CTNNA3: variants seen among roughly 807,000 people sequenced by gnomAD.
The protein encoded by CTNNA3 is catenin alpha 3, also known as catenin alpha-3.
In CTNNA3, 76 loss-of-function variants were observed where a neutral mutation model predicts 95.7. The ratio of observed to expected loss-of-function variants is 0.79; its 90% CI spans 0.66 to 0.96. The LOEUF (loss-of-function observed/expected upper bound fraction) is 0.96. Among genes scored for constraint, CTNNA3 ranks in the 40% least tolerant of loss-of-function variants. The pLI, the probability that CTNNA3 is intolerant of heterozygous loss-of-function variation, is 0.00. For synonymous variants in CTNNA3, 431 were observed against 374.4 expected, an observed-to-expected ratio of 1.15 and a Z score of -1.74; for missense variants, 1,191 against 1,089.8, an observed-to-expected ratio of 1.09 and a Z score of -1.31.
intron 12 of CTNNA3, among the ~76,000 whole-genome samples, chr10:66,331,437 T>G (rs1465376736): frequency 7.6e-6 from 1 of 130,932 alleles, no homozygotes. Flanking sequence ...CACTGCAAGC[T>G]CCGCCTCCCG....
chr10:66,373,984 T>A (rs966887267), intron 12 of CTNNA3, among the ~76,000 whole-genome samples: 3 of 152,230 alleles, frequency 2.0e-5, no homozygotes, highest in African/African-American at 2.4e-5. Context: ...CACAGCCCAC[T>A]GTTTCCAGGG....
intron 12 of CTNNA3, among the ~76,000 whole-genome samples, chr10:66,333,977 T>C (rs1167425263): frequency 1.3e-5 from 2 of 152,136 alleles, no homozygotes; most frequent in Non-Finnish European, 2.9e-5. Context: ...CCTTTAACAT[T>C]ATGTAATGGC....
At chr10:66,059,779 T>A (rs574185476) in intron 15 of CTNNA3, among the ~76,000 whole-genome samples, 1 of 152,216 alleles carries the variant, frequency 6.6e-6, no homozygotes, top group East Asian at 1.9e-4. Context: ...TTAGTACATA[T>A]TTTTCAAGTA....
chr10:66,320,125 T>C (rs2092160556), intron 12 of CTNNA3, among the ~76,000 whole-genome samples: 1 of 152,086 alleles, frequency 6.6e-6, no homozygotes, highest in Non-Finnish European at 1.5e-5. Context: ...GCACCTGATA[T>C]ATAAGTCTTA....
At chr10:65,952,744 A>G (rs1039176274) in intron 17 of CTNNA3, among the ~76,000 whole-genome samples, 1 of 152,120 alleles carries the variant, frequency 6.6e-6, no homozygotes, top group South Asian at 2.1e-4. Flanking sequence ...GCTGTTTCCT[A>G]TCTTTCCTAA....
intron 7 of CTNNA3, among the ~76,000 whole-genome samples, chr10:67,028,561 G>A (rs1410960103): frequency 6.6e-6 from 1 of 150,918 alleles, no homozygotes; most frequent in African/African-American, 2.4e-5. Flanking sequence ...AAAATAGAAT[G>A]TAGTTATGTC....
chr10:67,264,764 T>C (rs79344732), intron 5 of CTNNA3, among the ~76,000 whole-genome samples: 3,609 of 152,204 alleles, frequency 0.024, 128 homozygotes, highest in African/African-American at 0.083. Context: ...CTCCGAAAAA[T>C]TGACCTACTG....
At chr10:67,090,737 C>T (rs1461165708) in intron 7 of CTNNA3, among the ~76,000 whole-genome samples, 1 of 151,970 alleles carries the variant, frequency 6.6e-6, no homozygotes, top group Non-Finnish European at 1.5e-5. Context: ...GTGTCCAGGC[C>T]ACGCATCAAC....
chr10:66,441,023 C>CA (rs2093371884), intron 11 of CTNNA3, among the ~76,000 whole-genome samples: 3 of 151,974 alleles, frequency 2.0e-5, no homozygotes, highest in East Asian at 1.9e-4. Flanking sequence ...AAGCCAGGCA[C>CA]AAAAAACAGA....
intron 3 of CTNNA3, among the ~76,000 whole-genome samples, chr10:67,591,824 C>G (rs61866958): frequency 1.3e-5 from 2 of 152,076 alleles, no homozygotes; most frequent in Non-Finnish European, 2.9e-5. Flanking sequence ...CCATAGACTT[C>G]CAAGTGCTAT....
intron 17 of CTNNA3, among the ~76,000 whole-genome samples, chr10:65,955,731 A>T (rs972682418): frequency 2.6e-5 from 4 of 152,146 alleles, no homozygotes; most frequent in Non-Finnish European, 5.9e-5. Flanking sequence ...CATCCCAGGG[A>T]TGAAGCCTAC....
chr10:66,523,212 C>T (rs997225), intron 10 of CTNNA3, among the ~76,000 whole-genome samples: 36,329 of 152,048 alleles, frequency 0.24, 5,375 homozygotes, highest in East Asian at 0.79. Context: ...TGGACAGCTA[C>T]GTACACATGT....
chr10:66,528,116 G>A (rs1841334209), intron 10 of CTNNA3, among the ~76,000 whole-genome samples: 1 of 152,066 alleles, frequency 6.6e-6, no homozygotes, highest in African/African-American at 2.4e-5. Context: ...TCGCTCATAA[G>A]GGCTGTGTTT....
intron 7 of CTNNA3, chr10:66,928,213 G>T: frequency 6.2e-7 from 1 of 1,614,064 alleles, no homozygotes; most frequent in Non-Finnish European, 8.5e-7. Context: ...GTCCGTGCTC[G>T]TCATCCTGCT....
intron 5 of CTNNA3, among the ~76,000 whole-genome samples, chr10:67,363,997 C>T (rs753127900): frequency 3.9e-5 from 6 of 152,174 alleles, no homozygotes; most frequent in Non-Finnish European, 5.9e-5. Flanking sequence ...CATCCTGATA[C>T]CAAAGCCTGG....
intron 15 of CTNNA3, among the ~76,000 whole-genome samples, chr10:66,062,908 T>C (rs1350708416): frequency 6.6e-6 from 1 of 152,080 alleles, no homozygotes; most frequent in Non-Finnish European, 1.5e-5. Context: ...CAGATTAGGA[T>C]ACCCTCAAAG....
chr10:66,752,163 G>A (rs1169502914), intron 9 of CTNNA3, among the ~76,000 whole-genome samples: 5 of 151,948 alleles, frequency 3.3e-5, no homozygotes, highest in Non-Finnish European at 5.9e-5. Context: ...TAAAGAAAAA[G>A]AAAGAGGACT....
At chr10:67,524,296 G>A (rs1218985811) in intron 4 of CTNNA3, among the ~76,000 whole-genome samples, 1 of 151,530 alleles carries the variant, frequency 6.6e-6, no homozygotes, top group Non-Finnish European at 1.5e-5. Context: ...CCCGCGGGAG[G>A]CTGAGGCAGG....
At chr10:67,666,368 T>C (rs1840331502) in intron 1 of CTNNA3, among the ~76,000 whole-genome samples, 1 of 152,206 alleles carries the variant, frequency 6.6e-6, no homozygotes, top group Non-Finnish European at 1.5e-5. Flanking sequence ...ATTCCTTCCC[T>C]ATGACCTACT....
Sources: allele counts gnomAD v4.1 joint callset (sites outside exome capture counted in the v4.1 genomes callset), GRCh38; gene constraint gnomAD v4.1.1; transcripts MANE v1.5; gene names NCBI Gene and HGNC (gene_info 2026-07-23, HGNC 2026-07-21).